Variants in FTO observed in about 807,000 individuals in gnomAD.
The protein encoded by FTO is alpha-ketoglutarate-dependent dioxygenase FTO.
FTO carries 47 observed loss-of-function variants against 63.9 expected under a neutral mutation model. The observed-to-expected ratio is 0.74, with a 90% CI of 0.58 to 0.94. The LOEUF (loss-of-function observed/expected upper bound fraction) is 0.94. Among genes scored for constraint, FTO ranks in the 40% least tolerant of loss-of-function variants. The pLI, the probability that FTO is intolerant of heterozygous loss-of-function variation, is 0.00. For synonymous variants in FTO, 207 were observed against 224.4 expected (o/e 0.92, Z 0.69); for missense variants, 562 against 618.1 (o/e 0.91, Z 0.96).
At chr16:54,069,376 T>A (rs2085808231) in intron 8 of FTO, among the ~76,000 whole-genome samples, 1 of 152,186 alleles carries the variant, frequency 6.6e-6, no homozygotes, top group Non-Finnish European at 1.5e-5. Flanking sequence ...AGAGCCTACC[T>A]AATCTAGTGA....
chr16:53,727,029 A>G (rs745656500), intron 1 of FTO, among the ~76,000 whole-genome samples: 12 of 152,224 alleles, frequency 7.9e-5, no homozygotes, highest in Non-Finnish European at 1.3e-4. Context: ...TATATCTTCA[A>G]TCAGGAGAAA....
chr16:53,998,451 A>T (rs1599172303), intron 8 of FTO: 1 of 152,236 alleles, frequency 6.6e-6, no homozygotes, highest in Non-Finnish European at 1.5e-5. Flanking sequence ...TTAGCCTATA[A>T]ACCAGCATCT....
intron 2 of FTO, chr16:53,814,947 G>A (rs1014786995): frequency 1.3e-5 from 2 of 152,176 alleles, no homozygotes; most frequent in Admixed American, 1.3e-4. Context: ...GTAGGAGCAA[G>A]CCATGTAGAT....
intron 8 of FTO, among the ~76,000 whole-genome samples, chr16:53,985,312 C>T (rs1158832586): frequency 2.0e-5 from 3 of 152,200 alleles, no homozygotes; most frequent in Admixed American, 2.0e-4. Flanking sequence ...TCAAAGCGTT[C>T]AACCTGAGAC....
intron 8 of FTO, among the ~76,000 whole-genome samples, chr16:53,948,185 C>A (rs112579177): frequency 6.6e-6 from 1 of 152,002 alleles, no homozygotes; most frequent in Non-Finnish European, 1.5e-5. Context: ...CATTACACTG[C>A]GGCTGTATAA....
chr16:54,107,984 T>C (rs1188667726), intron 8 of FTO, among the ~76,000 whole-genome samples: 1 of 152,210 alleles, frequency 6.6e-6, no homozygotes, highest in Non-Finnish European at 1.5e-5. Context: ...GACAGCGTGA[T>C]GTACTGACGT....
At chr16:53,830,542 A>T (rs1243765231) in intron 3 of FTO, among the ~76,000 whole-genome samples, 2 of 152,214 alleles carry the variant, frequency 1.3e-5, no homozygotes, top group African/African-American at 2.4e-5. Context: ...AGCAATTCTT[A>T]AGATTTTAAA....
At chr16:54,039,240 G>A (rs1433581472) in intron 8 of FTO, 1 of 152,226 alleles carries the variant, frequency 6.6e-6, no homozygotes, top group African/African-American at 2.4e-5. Flanking sequence ...ATCTAGCAGA[G>A]CACTAAGTGG....
At chr16:54,076,420 C>A (rs1432329433) in intron 8 of FTO, among the ~76,000 whole-genome samples, 21 of 152,024 alleles carry the variant, frequency 1.4e-4, no homozygotes, top group African/African-American at 4.1e-4. Context: ...CAGAAATGGG[C>A]AACATTTGAG....
At chr16:54,064,938 G>A (rs116175899) in intron 8 of FTO, among the ~76,000 whole-genome samples, 303 of 152,076 alleles carry the variant, frequency 2.0e-3, no homozygotes, top group African/African-American at 6.5e-3. Context: ...GGAAATGTAA[G>A]TGAGAGGTCT....
chr16:53,857,073 T>C lies in FTO; in HGVS notation c.895+12775T>C, dbSNP rs1166285183. ...GACTGTTGTTATTGGTATGGAAGTA[T>C]TTTTTTTTTCTCCCAGCTTTTATTT... On this transcript the variant is annotated intron_variant, in intron 4 of 8. Transcript: ENST00000471389. Among the ~76,000 whole-genome samples, 9 of 65,020 alleles carry C rather than the reference T, an allele frequency of 1.4e-4. No homozygotes were observed. In the East Asian group the frequency reaches 0.028, roughly 201 times the overall value. 42.7% of individuals were successfully genotyped at this position (65,020 alleles called of 152,430 possible). A position where few individuals can be genotyped will look rare whatever the true frequency, so the allele number is the denominator to read the frequency against.
chr16:53,755,645 T>G (rs890726484), intron 1 of FTO, among the ~76,000 whole-genome samples: 2 of 152,220 alleles, frequency 1.3e-5, no homozygotes, highest in Non-Finnish European at 1.5e-5. Flanking sequence ...CATGGACTTT[T>G]CAGGCTGGAC....
chr16:54,050,323 T>C (rs2085283134), intron 8 of FTO, among the ~76,000 whole-genome samples: 1 of 152,218 alleles, frequency 6.6e-6, no homozygotes, highest in Admixed American at 6.5e-5. Context: ...TTGCTTGCCA[T>C]AAGCCTTCTG....
chr16:53,738,841 A>T (rs558199214), intron 1 of FTO, among the ~76,000 whole-genome samples: 15 of 152,082 alleles, frequency 9.9e-5, no homozygotes, highest in East Asian at 7.7e-4. Context: ...TTGCCTATTT[A>T]AAAAAAATTT....
chr16:54,079,448 C>T (rs908379912), intron 8 of FTO, among the ~76,000 whole-genome samples: 6 of 152,116 alleles, frequency 3.9e-5, no homozygotes, highest in Non-Finnish European at 5.9e-5. Flanking sequence ...TAGAAACAAA[C>T]GACGAACAGA....
intron 8 of FTO, chr16:53,935,800 T>G (rs2082377327): frequency 6.6e-6 from 1 of 152,220 alleles, no homozygotes; most frequent in African/African-American, 2.4e-5. Flanking sequence ...TATTATAAGT[T>G]AAGCATGTAT....
chr16:54,026,996 G>C (rs1252275759), intron 8 of FTO, among the ~76,000 whole-genome samples: 1 of 152,056 alleles, frequency 6.6e-6, no homozygotes, highest in East Asian at 1.9e-4. Context: ...AACATTGGAG[G>C]CTATCAAAGG....
At chr16:53,997,038 A>T (rs1261042110) in intron 8 of FTO, among the ~76,000 whole-genome samples, 2 of 151,948 alleles carry the variant, frequency 1.3e-5, no homozygotes, top group Non-Finnish European at 2.9e-5. Flanking sequence ...ACTTGAACCC[A>T]GGAGACAGAG....
At chr16:53,743,652 G>C (rs773246317) in intron 1 of FTO, among the ~76,000 whole-genome samples, 1 of 150,230 alleles carries the variant, frequency 6.7e-6, no homozygotes, top group Non-Finnish European at 1.5e-5. Context: ...GCTTATTATC[G>C]TGGGAATACT....
Sources: gnomAD v4.1 joint callset for allele counts (sites outside exome capture counted in the v4.1 genomes callset) on GRCh38, gnomAD v4.1.1 for gene constraint, MANE v1.5 for transcripts, NCBI Gene and HGNC (gene_info 2026-07-23, HGNC 2026-07-21) for gene names.